Variants in COL4A4 observed in about 807,000 individuals in gnomAD.
The protein encoded by COL4A4 is collagen type IV alpha 4 chain, also known as collagen alpha-4(IV) chain.
Under a neutral mutation model 192.9 loss-of-function variants are expected in COL4A4, and 105 were observed. The ratio of observed to expected loss-of-function variants is 0.54; its 90% confidence interval spans 0.46 to 0.64. The LOEUF (loss-of-function observed/expected upper bound fraction) is 0.64. COL4A4 is among the 30% of genes least tolerant of loss of function. COL4A4 has a pLI of 0.00. For synonymous variants in COL4A4, 762 were observed against 769.9 expected, an observed-to-expected ratio of 0.99 and a Z score of 0.17; for missense variants, 1,967 against 2,169.3, an observed-to-expected ratio of 0.91 and a Z score of 1.85.
Position 227,022,504 on chromosome 2 carries a change from T to A in COL4A4, c.4091-331A>T, listed in dbSNP as rs977367249. ...TGATGACCCTCACAGGATTGCCCAATCTCTGGGCCATTTTTTACTGGAGTA... is the reference window on the plus strand; with the variant it reads ...TGATGACCCTCACAGGATTGCCCAAACTCTGGGCCATTTTTTACTGGAGTA... On this transcript the variant is annotated intron_variant, in intron 43 of 47. Transcript: ENST00000396625. 1 of 566,244 alleles carries A rather than the reference T, an allele frequency of 1.8e-6. No individual in the cohort carries two copies. The highest frequency in any genetic ancestry group is 1.9e-5 in the African/African-American group (1 of 53,278). 35.1% of individuals were successfully genotyped at this position (566,244 alleles called of 1,614,324 possible). A position where few individuals can be genotyped will look rare whatever the true frequency, so the allele number is the denominator to read the frequency against.
chr2:227,130,063 C>G (rs1354286670), intron 4 of COL4A4, among the ~76,000 whole-genome samples: 1 of 152,096 alleles, frequency 6.6e-6, no homozygotes. Flanking sequence ...GAAAAAGGCC[C>G]GTTAGGTGCC....
intron 37 of COL4A4, among the ~76,000 whole-genome samples, chr2:227,039,216 G>A (rs1307571080): frequency 2.6e-5 from 4 of 152,134 alleles, no homozygotes; most frequent in African/African-American, 7.2e-5. Flanking sequence ...ACCCAGGCTG[G>A]AGTTCAGTGG....
intron 46 of COL4A4, among the ~76,000 whole-genome samples, chr2:227,009,516 C>T (rs10178731): frequency 0.44 from 66,150 of 151,634 alleles, 14,516 homozygotes; most frequent in South Asian, 0.58. Context: ...CCTACCTGGC[C>T]GCAAGACCCC....
intron 4 of COL4A4, among the ~76,000 whole-genome samples, chr2:227,122,273 G>A (rs1303076312): frequency 1.3e-5 from 2 of 152,226 alleles, no homozygotes; most frequent in Non-Finnish European, 2.9e-5. Context: ...CTGGGAGGCC[G>A]AGGCGGGCAG....
intron 17 of COL4A4, among the ~76,000 whole-genome samples, chr2:227,100,082 A>T (rs911084679): frequency 6.6e-6 from 1 of 152,238 alleles, no homozygotes; most frequent in African/African-American, 2.4e-5. Flanking sequence ...TATTTTAGCA[A>T]CAAATAGCGT....
chr2:226,987,827 C>T, the COL4A4 span, among the ~76,000 whole-genome samples: 1 of 152,216 alleles, frequency 6.6e-6, no homozygotes, highest in African/African-American at 2.4e-5. Context: ...AGTTCCTGGG[C>T]TCCAACCACC....
the COL4A4 span, among the ~76,000 whole-genome samples, chr2:226,986,754 T>C: frequency 1.1e-4 from 16 of 152,290 alleles, no homozygotes; most frequent in South Asian, 2.9e-3. Context: ...AGTTCAACCA[T>C]TGTGGAAGAT....
Position 227,082,102 on chromosome 2 carries a change from T to G in COL4A4, c.1696+13A>C. On this transcript the variant is annotated intron_variant, in intron 23 of 47. Coordinates refer to ENST00000396625, the MANE Select transcript of COL4A4 (RefSeq NM_000092.5). ...ATAAAATGGCAGGGAGTTAAGTGAT[T>G]GATTATGCTCACCTTTAACTCTTGA... 1.2e-6 allele frequency: 2 copies of G among 1,612,730 alleles called. No homozygotes were observed. The highest frequency in any genetic ancestry group is 1.7e-6 in the Non-Finnish European group (2 of 1,178,662).
At position 227,005,463 on chromosome 2, in the gene COL4A4, G is replaced by A. The variant is rs1055220004; in HGVS notation, c.*1862C>T. On this transcript the variant is annotated 3_prime_UTR_variant, in exon 48 of 48. Transcript: ENST00000396625. ...AGATTGAAATTGGCTTAAGTTTTAG[G>A]TGCACAAAAATATTCAACATGCCAG... The A allele has an allele frequency of 1.3e-5, 2 of 152,076 alleles. No homozygotes were observed. Among genetic ancestry groups the A allele is most frequent in the Non-Finnish European group, 2.9e-5 (2 of 68,022 alleles). The allele number at this position is 152,076 out of a possible 1,614,324, so 9.4% of individuals were successfully genotyped here.
At position 227,078,018 on chromosome 2, in the gene COL4A4, T is replaced by C. The variant is rs2059125942; in HGVS notation, c.1863A>G (p.Pro621=). The C allele has an allele frequency of 6.2e-7, 1 of 1,613,968 alleles. No individual in the cohort carries two copies. The highest frequency in any genetic ancestry group is 8.5e-7 in the Non-Finnish European group (1 of 1,179,998). Residue 621 remains proline (P), a synonymous_variant, in exon 25 of 48, where the codon CCA becomes CCG. Coordinates refer to ENST00000396625, the MANE Select transcript of COL4A4 (RefSeq NM_000092.5). ...GKGFPGPLGP[P]GKAGPVGPPG... ...GGGGCCCCACAGGTCCTGCTTTGCCTGGGGGGCCCAGAGGTCCAGGAAATC... is the reference window on the plus strand; with the variant it reads ...GGGGCCCCACAGGTCCTGCTTTGCCCGGGGGGCCCAGAGGTCCAGGAAATC...
At position 227,144,489 on chromosome 2, in the gene COL4A4, G is replaced by A. The variant is rs147632549; in HGVS notation, c.114+27C>T. On this transcript the variant is annotated intron_variant, in intron 3 of 47. Coordinates refer to ENST00000396625, the MANE Select transcript of COL4A4 (RefSeq NM_000092.5). ...ATTCTATAAAGTGAATTTTCACAAC[G>A]CAACCAGAGCTAGTGAATGTACTTA... The A allele has an allele frequency of 6.8e-5, 108 of 1,590,608 alleles. 1 individual carries two copies. The African/African-American group carries it at 8.5e-4, about 12-fold the overall frequency.
chr2:227,051,784 G>A (rs1011703095), intron 32 of COL4A4, among the ~76,000 whole-genome samples: 2 of 152,138 alleles, frequency 1.3e-5, no homozygotes, highest in Non-Finnish European at 2.9e-5. Flanking sequence ...TATAGCTCAG[G>A]TTGATCCCAG....
chr2:227,162,487 C>T (rs1321195261), intron 1 of COL4A4, among the ~76,000 whole-genome samples: 2 of 152,150 alleles, frequency 1.3e-5, no homozygotes, highest in Non-Finnish European at 2.9e-5. Flanking sequence ...GAACACCTAC[C>T]GTTTCATTCC....
At chr2:227,103,324 T>C in intron 13 of COL4A4, 127 bp from the exon 14 acceptor site, 2 of 741,838 alleles carry the variant, frequency 2.7e-6, no homozygotes, top group South Asian at 1.7e-5. Context: ...AAGAGATTAC[T>C]CTTCACCTGT....
intron 31 of COL4A4, among the ~76,000 whole-genome samples, chr2:227,054,023 G>A (rs1454698807): frequency 1.3e-5 from 2 of 152,038 alleles, no homozygotes; most frequent in African/African-American, 4.8e-5. Flanking sequence ...AATGGTTGAG[G>A]GGTAAAACTC....
At chr2:227,052,183 C>G (rs1353924753) in intron 32 of COL4A4, 122 bp downstream of exon 32, 1 of 674,266 alleles carries the variant, frequency 1.5e-6, no homozygotes, top group Non-Finnish European at 2.7e-6. Context: ...AAGAGCAAAA[C>G]TCCATCTCAA....
chr2:227,059,181 C>A (rs1559519393), intron 28 of COL4A4, among the ~76,000 whole-genome samples: 1 of 152,210 alleles, frequency 6.6e-6, no homozygotes. Flanking sequence ...GTTGAATGAA[C>A]CACAGTGAGC....
intron 12 of COL4A4, among the ~76,000 whole-genome samples, chr2:227,105,109 A>T (rs966341880): frequency 1.3e-5 from 2 of 151,064 alleles, no homozygotes; most frequent in Non-Finnish European, 2.9e-5. Flanking sequence ...ATTTTATTAA[A>T]TTTTTAAATA....
chr2:227,114,700 A>G lies in COL4A4; in HGVS notation c.490-4T>C. On this transcript the variant is annotated splice_polypyrimidine_tract_variant and splice_region_variant and intron_variant, in intron 7 of 47. Transcript: ENST00000396625. Reference sequence around the variant, plus strand: ...CTCCCTTTTCCCCAGGATGGCCCTGAAAATAAAATATGTATGTACTTAACA... The same window carrying G: ...CTCCCTTTTCCCCAGGATGGCCCTGGAAATAAAATATGTATGTACTTAACA... 6.2e-7 allele frequency: 1 copy of G among 1,610,586 alleles called. No homozygotes were observed. Among genetic ancestry groups the G allele is most frequent in the Non-Finnish European group, 8.5e-7 (1 of 1,176,692 alleles).
Sources: allele counts gnomAD v4.1 joint callset (sites outside exome capture counted in the v4.1 genomes callset), GRCh38; gene constraint gnomAD v4.1.1; transcripts MANE v1.5; gene names NCBI Gene and HGNC (gene_info 2026-07-23, HGNC 2026-07-21).